EVC: variants seen among roughly 807,000 people sequenced by gnomAD.
The protein encoded by EVC is EvC ciliary complex subunit 1, also known as evC complex member EVC.
EVC carries 116 observed loss-of-function variants against 118.9 expected under a neutral mutation model. The observed-to-expected ratio is 0.98, with a 90% confidence interval of 0.84 to 1.14. The LOEUF is 1.14. Ranked by LOEUF, EVC falls within the 50% of genes most tolerant of loss-of-function variation. The probability of loss-of-function intolerance (pLI) is 0.00; values close to 1 mark genes in which losing one functional copy is unlikely to be tolerated. For synonymous variants in EVC, 619 were observed against 534.7 expected, an observed-to-expected ratio of 1.16 and a Z score of -2.18; for missense variants, 1,401 against 1,246.4, an observed-to-expected ratio of 1.12 and a Z score of -1.87.
intron 11 of EVC, among the ~76,000 whole-genome samples, chr4:5,770,273 G>A (rs1019468790): frequency 6.6e-6 from 1 of 152,126 alleles, no homozygotes; most frequent in Non-Finnish European, 1.5e-5. Flanking sequence ...TGAGCCTCCA[G>A]CCCTTCAGAG....
intron 1 of EVC, among the ~76,000 whole-genome samples, chr4:5,713,628 G>C (rs1481325655): frequency 7.4e-6 from 1 of 135,302 alleles, no homozygotes; most frequent in Non-Finnish European, 1.5e-5. Context: ...AGTGAGCCAA[G>C]ATCGCACCAT....
At chr4:5,821,908 G>A in the EVC span, 3 of 1,316,564 alleles carry the variant, frequency 2.3e-6, no homozygotes, top group African/African-American at 6.4e-5. The surrounding 1 kb of genome is among the most constrained non-coding windows in gnomAD (Gnocchi z 4.4). Context: ...GTTCCACGCT[G>A]CTCCTGGAGG....
In EVC at chr4:5,733,367, TG is replaced by T. The variant is rs2151945937; in HGVS notation, c.635del (p.Cys212LeufsTer7). 1 of 1,613,974 alleles carries T rather than the reference TG, an allele frequency of 6.2e-7. No homozygotes were observed. Among genetic ancestry groups the T allele is most frequent in the Non-Finnish European group, 8.5e-7 (1 of 1,179,856 alleles). On this transcript the variant is annotated frameshift_variant, in exon 5 of 21. Coordinates refer to ENST00000264956, the MANE Select transcript of EVC (RefSeq NM_153717.3). LOFTEE classifies it high-confidence loss of function. ...ATTTTGCAGTGTAGACGTTGACCTG[TG>T]TATCTACAGCCTTCACTTAAAAGAC... is the stretch of plus-strand genomic sequence containing the variant. The part of the protein sequence containing the change: ...LACESVDVDL[C>X]IYSLHLKDLL...
At chr4:5,816,779 TCTC>T (rs754769353), downstream of EVC, among the ~76,000 whole-genome samples, 12 of 151,032 alleles carry the variant, frequency 7.9e-5, no homozygotes, top group Middle Eastern at 3.4e-3. Flanking sequence ...CCTCTGGCTC[TCTC>T]CTCATTTTGC....
intron 2 of EVC, among the ~76,000 whole-genome samples, chr4:5,727,797 C>G (rs1247803664): frequency 1.6e-4 from 23 of 148,336 alleles, no homozygotes; most frequent in Admixed American, 2.0e-4. Context: ...ATATGGCTAG[C>G]CAGTTTTCCC....
chr4:5,720,556 A>C (rs1253239016), intron 2 of EVC, among the ~76,000 whole-genome samples: 1 of 152,200 alleles, frequency 6.6e-6, no homozygotes, highest in African/African-American at 2.4e-5. Flanking sequence ...CTCGGGATAT[A>C]AAAACGGATT....
At position 5,810,442 on chromosome 4, in the gene EVC, C is replaced by T; in HGVS notation, c.2886C>T (p.Gly962=). 1 of 1,610,844 alleles carries T rather than the reference C, an allele frequency of 6.2e-7. No individual in the cohort carries two copies. Among genetic ancestry groups the T allele is most frequent in the Non-Finnish European group, 8.5e-7 (1 of 1,178,876 alleles). ...EDLASGDQTS[G]SLSSKRLSQQ... ...TTGCCTCCGGGGACCAGACCTCAGG[C>T]TCACTCAGGTATGACTGGGCCCCGG... Residue 962 remains glycine (G), a synonymous_variant, in exon 20 of 21, where the codon GGC becomes GGT. Coordinates refer to ENST00000264956, the MANE Select transcript of EVC (RefSeq NM_153717.3).
chr4:5,809,488 G>A (rs1414675965), intron 18 of EVC, 30 bp from the exon 19 acceptor site: 2 of 1,603,684 alleles, frequency 1.2e-6, no homozygotes, highest in Non-Finnish European at 1.7e-6. Flanking sequence ...GGGAGGCCCA[G>A]CTGAATGCTC....
chr4:5,792,581 T>A (rs1433525085), intron 12 of EVC, among the ~76,000 whole-genome samples: 1 of 152,178 alleles, frequency 6.6e-6, no homozygotes, highest in Non-Finnish European at 1.5e-5. Flanking sequence ...CGTGAAAAGA[T>A]CTGTTCTGAA....
intron 11 of EVC, among the ~76,000 whole-genome samples, chr4:5,769,141 C>T (rs142327382): frequency 6.6e-6 from 1 of 152,106 alleles, no homozygotes; most frequent in Non-Finnish European, 1.5e-5. Context: ...GTTTAACAGA[C>T]TCACAGTTCC....
At chr4:5,720,079 A>G (rs1170079683) in intron 2 of EVC, among the ~76,000 whole-genome samples, 2 of 152,138 alleles carry the variant, frequency 1.3e-5, no homozygotes, top group African/African-American at 4.8e-5. Flanking sequence ...CCCTTCCTCT[A>G]TCCACAGAAC....
intron 11 of EVC, among the ~76,000 whole-genome samples, chr4:5,769,752 C>T (rs1430337413): frequency 6.6e-6 from 1 of 152,160 alleles, no homozygotes; most frequent in African/African-American, 2.4e-5. Flanking sequence ...ACAGCCCTGT[C>T]ATGCGGGGAC....
downstream of EVC, among the ~76,000 whole-genome samples, chr4:5,816,447 C>A (rs1292427008): frequency 1.3e-5 from 2 of 152,178 alleles, no homozygotes; most frequent in Non-Finnish European, 2.9e-5. Flanking sequence ...GCCTCCTTAG[C>A]CCACATGACA....
chr4:5,794,847 C>T (rs1713647265), intron 13 of EVC, among the ~76,000 whole-genome samples: 1 of 152,126 alleles, frequency 6.6e-6, no homozygotes, highest in South Asian at 2.1e-4. Flanking sequence ...TCCCATCACC[C>T]AGGTAGTGGA....
chr4:5,808,132 T>TACCAAC, intron 17 of EVC, 69 bp from the exon 18 acceptor site: 1 of 464,752 alleles, frequency 2.2e-6, no homozygotes. Context: ...GCCTTCCTTC[T>TACCAAC]CCCTCCCTCC....
intron 1 of EVC, among the ~76,000 whole-genome samples, chr4:5,718,753 ATAAT>A (rs1724409415): frequency 6.6e-6 from 1 of 152,254 alleles, no homozygotes; most frequent in South Asian, 2.1e-4. Flanking sequence ...GAATCCATAA[ATAAT>A]GAGCATTCAT....
At position 5,808,336 on chromosome 4, in the gene EVC, T is replaced by G. The variant is rs758065998; in HGVS notation, c.2688+9T>G. 10 of 1,614,152 alleles carry G rather than the reference T, an allele frequency of 6.2e-6. No homozygotes were observed. The stretch of plus-strand genomic sequence containing the variant: ...TGGAGACCCAGCTACAGGTACAAGT[T>G]ACAGAACTGGACCTTCCAAAAGCAG... On this transcript the variant is annotated intron_variant, in intron 18 of 20. Transcript: ENST00000264956.
chr4:5,761,650 G>C (rs1367678327), intron 11 of EVC, among the ~76,000 whole-genome samples: 1 of 151,862 alleles, frequency 6.6e-6, no homozygotes, highest in Non-Finnish European at 1.5e-5. Flanking sequence ...GTCTCATCTT[G>C]TCTTTGTTCT....
intron 14 of EVC, 167 bp downstream of exon 14, chr4:5,797,399 C>G: frequency 4.5e-6 from 3 of 662,958 alleles, no homozygotes; most frequent in Non-Finnish European, 8.2e-6. Context: ...GACCGGGCAG[C>G]TTACACTGCA....
Sources: allele counts gnomAD v4.1 joint callset (sites outside exome capture counted in the v4.1 genomes callset), GRCh38; gene constraint gnomAD v4.1.1; non-coding constraint Gnocchi (gnomAD v3.1); transcripts MANE v1.5; gene names NCBI Gene and HGNC (gene_info 2026-07-23, HGNC 2026-07-21).